The following TMEM245 variants were observed in gnomAD, a reference collection of about 807,000 sequenced individuals.
The protein encoded by TMEM245 is transmembrane protein 245.
Under a neutral mutation model 101.2 loss-of-function variants are expected in TMEM245, and 69 were observed. That is an observed-to-expected ratio of 0.68 (90% confidence interval 0.56 to 0.83). The LOEUF (loss-of-function observed/expected upper bound fraction) is 0.83. Ranked by LOEUF, TMEM245 falls within the 40% of genes least tolerant of loss-of-function variation. The pLI, the probability that TMEM245 is intolerant of heterozygous loss-of-function variation, is 0.00. For missense variants in TMEM245, 1,075 were observed against 1,092.8 expected (o/e 0.98, Z 0.23); for synonymous variants, 537 against 449.8 (o/e 1.19, Z -2.45).
intron 17 of TMEM245, 73 bp from the exon 18 acceptor site, chr9:109,020,578 C>T: frequency 1.5e-6 from 2 of 1,363,332 alleles, no homozygotes; most frequent in Non-Finnish European, 2.1e-6. Flanking sequence ...TCTTTTGGAG[C>T]CCTAATGAGA....
At chr9:109,093,242 G>T (rs1278071568) in intron 4 of TMEM245, among the ~76,000 whole-genome samples, 1 of 151,840 alleles carries the variant, frequency 6.6e-6, no homozygotes, top group Non-Finnish European at 1.5e-5. Flanking sequence ...AAAAAGGAAA[G>T]AACAAAGAAC....
chr9:109,116,210 G>A (rs1370574705), intron 1 of TMEM245, among the ~76,000 whole-genome samples: 1 of 152,172 alleles, frequency 6.6e-6, no homozygotes, highest in Admixed American at 6.5e-5. Context: ...GCAGGCTCAT[G>A]GTTAAAGTAG....
At chr9:109,064,869 G>A (rs1444708762) in intron 9 of TMEM245, among the ~76,000 whole-genome samples, 4 of 152,064 alleles carry the variant, frequency 2.6e-5, no homozygotes, top group Admixed American at 6.6e-5. Flanking sequence ...GCAACCCTGC[G>A]ACTTCCACCT....
rs539427342 is a variant in TMEM245 at position 109,084,431 on chromosome 9, G to A, written c.1344+1566C>T. Among the ~76,000 whole-genome samples, 4 of 152,258 alleles carry A rather than the reference G, an allele frequency of 2.6e-5. No individual in the cohort carries two copies. In the East Asian group the frequency reaches 5.8e-4, roughly 22 times the overall value. ...CTTAGAGATCTTTTAAAATTAACTC[G>A]ATGATTCAGTTATGAAGTAGTCTCA... On this transcript the variant is annotated intron_variant, in intron 7 of 17. Coordinates refer to ENST00000374586, the MANE Select transcript of TMEM245 (RefSeq NM_032012.4).
At chr9:109,051,925 A>G (rs548681777) in intron 12 of TMEM245, among the ~76,000 whole-genome samples, 1 of 152,348 alleles carries the variant, frequency 6.6e-6, no homozygotes, top group Non-Finnish European at 1.5e-5. Context: ...AGACAGGGAC[A>G]AGAGCAGTGC....
At position 109,084,241 on chromosome 9, in the gene TMEM245, G is replaced by C. The variant is rs1216120954; in HGVS notation, c.1344+1756C>G. ...CTACATACCAACATTACCCAGTGCT[G>C]CAATTTTCTGACTTTGAGATGTAAT... On this transcript the variant is annotated intron_variant, in intron 7 of 17. Transcript: ENST00000374586. Among the ~76,000 whole-genome samples the C allele has an allele frequency of 3.9e-5, 6 of 152,176 alleles. No individual in the cohort carries two copies. The South Asian group carries it at 1.2e-3, about 32-fold the overall frequency.
At chr9:109,064,680 C>T in intron 9 of TMEM245, 113 bp from the exon 10 acceptor site, 7 of 766,600 alleles carry the variant, frequency 9.1e-6, no homozygotes, top group Non-Finnish European at 1.5e-5. Context: ...GATCATTCAC[C>T]AATACACAGA....
At chr9:109,053,369 G>A (rs1353197770) in intron 12 of TMEM245, among the ~76,000 whole-genome samples, 4 of 152,188 alleles carry the variant, frequency 2.6e-5, no homozygotes, top group African/African-American at 7.2e-5. Context: ...GGAGGTTGCA[G>A]TGAGCTGGGA....
chr9:109,116,759 C>T (rs1326544570), intron 1 of TMEM245, among the ~76,000 whole-genome samples: 3 of 152,008 alleles, frequency 2.0e-5, no homozygotes, highest in African/African-American at 7.3e-5. Flanking sequence ...AACTCCTGGC[C>T]TCAAGTGATT....
chr9:109,083,213 C>A (rs991600462), intron 7 of TMEM245, among the ~76,000 whole-genome samples: 2 of 151,870 alleles, frequency 1.3e-5, no homozygotes, highest in Non-Finnish European at 2.9e-5. Context: ...AAAAGATGAA[C>A]CAACTCCCAC....
chr9:109,085,028 CATATAT>C (rs1222769970), intron 7 of TMEM245, among the ~76,000 whole-genome samples: 1 of 152,184 alleles, frequency 6.6e-6, no homozygotes, highest in African/African-American at 2.4e-5. Context: ...CCACAAAAGA[CATATAT>C]ATAGTTTTAT....
chr9:109,100,709 T>C (rs976890560), intron 3 of TMEM245, among the ~76,000 whole-genome samples: 2 of 152,184 alleles, frequency 1.3e-5, no homozygotes, highest in African/African-American at 4.8e-5. Flanking sequence ...TGCAGGCTAG[T>C]CAGTTAATCT....
chr9:109,107,448 C>G (rs1299204391), intron 2 of TMEM245, among the ~76,000 whole-genome samples: 3 of 151,172 alleles, frequency 2.0e-5, no homozygotes, highest in Admixed American at 6.6e-5. Context: ...CAGGTCCCTA[C>G]CCATAACCAT....
At chr9:109,119,307 G>C in intron 1 of TMEM245, 28 bp downstream of exon 1, 1 of 1,515,716 alleles carries the variant, frequency 6.6e-7, no homozygotes, top group Non-Finnish European at 8.8e-7. Flanking sequence ...CACGGGCGGG[G>C]GACGGGGGCG....
chr9:109,053,489 T>C (rs763678785), intron 12 of TMEM245, among the ~76,000 whole-genome samples: 37 of 152,254 alleles, frequency 2.4e-4, no homozygotes, highest in Admixed American at 3.3e-4. Flanking sequence ...TTGGTATCAG[T>C]TTAATCAACA....
chr9:109,030,903 T>C (rs1238992845), intron 17 of TMEM245, among the ~76,000 whole-genome samples: 1 of 152,184 alleles, frequency 6.6e-6, no homozygotes, highest in Non-Finnish European at 1.5e-5. Context: ...TTAAGCAGAA[T>C]CATGTTGTTA....
At chr9:109,068,396 T>C (rs951500748) in intron 9 of TMEM245, among the ~76,000 whole-genome samples, 8 of 151,030 alleles carry the variant, frequency 5.3e-5, no homozygotes, top group African/African-American at 1.9e-4. Flanking sequence ...AGGCCTTCCT[T>C]TTGGGAGGCC....
intron 7 of TMEM245, among the ~76,000 whole-genome samples, chr9:109,082,933 C>G (rs1420063685): frequency 6.6e-6 from 1 of 151,736 alleles, no homozygotes; most frequent in Non-Finnish European, 1.5e-5. Flanking sequence ...TTAAAATAAA[C>G]AAAATTATTT....
chr9:109,077,561 T>C (rs1468630208), intron 8 of TMEM245, among the ~76,000 whole-genome samples: 1 of 152,210 alleles, frequency 6.6e-6, no homozygotes, highest in Non-Finnish European at 1.5e-5. Context: ...TATTTCTCCT[T>C]TTAATTCTGA....
Sources: allele counts gnomAD v4.1 joint callset (sites outside exome capture counted in the v4.1 genomes callset), GRCh38; gene constraint gnomAD v4.1.1; transcripts MANE v1.5; gene names NCBI Gene and HGNC (gene_info 2026-07-23, HGNC 2026-07-21).